DOCK4: variants seen among roughly 807,000 people sequenced by gnomAD.
The protein encoded by DOCK4 is dedicator of cytokinesis 4.
A neutral mutation model predicts 268.1 loss-of-function variants in DOCK4; 97 were observed. That is an observed-to-expected ratio of 0.36 (90% CI 0.31 to 0.43). The LOEUF is 0.43. Ranked by LOEUF, DOCK4 falls within the 20% of genes least tolerant of loss-of-function variation. The pLI is 1.00. For missense variants in DOCK4, 2,145 were observed against 2,455.7 expected (o/e 0.87, Z 2.67); for synonymous variants, 954 against 887.2 (o/e 1.08, Z -1.34).
chr7:111,990,435 C>T (rs1799431551), intron 5 of DOCK4, among the ~76,000 whole-genome samples: 1 of 152,210 alleles, frequency 6.6e-6, no homozygotes, highest in Admixed American at 6.5e-5. Context: ...CTAAAGTCTT[C>T]TACAGCTGTA....
At chr7:112,015,827 T>C (rs1023725319) in intron 1 of DOCK4, among the ~76,000 whole-genome samples, 3 of 152,178 alleles carry the variant, frequency 2.0e-5, no homozygotes, top group Admixed American at 6.5e-5. Context: ...GGTACTGGCA[T>C]TGTGCTAAGA....
chr7:111,767,318 C>A (rs2133653300), intron 37 of DOCK4, among the ~76,000 whole-genome samples, 200 bp from the exon 38 acceptor site: 1 of 151,634 alleles, frequency 6.6e-6, no homozygotes, highest in Non-Finnish European at 1.5e-5. Flanking sequence ...CCTCCGCCTC[C>A]CTAGTTCAAG....
chr7:111,818,564 A>G (rs959566929), intron 27 of DOCK4, among the ~76,000 whole-genome samples: 1 of 151,994 alleles, frequency 6.6e-6, no homozygotes, highest in Non-Finnish European at 1.5e-5. Context: ...TCTTCTCACT[A>G]CCTTCATTGC....
chr7:112,036,361 A>T (rs765795316), intron 1 of DOCK4, among the ~76,000 whole-genome samples: 4 of 152,190 alleles, frequency 2.6e-5, no homozygotes, highest in Non-Finnish European at 5.9e-5. Context: ...CTAAGACTAA[A>T]CAACTGGGGC....
chr7:111,768,682 T>A, intron 37 of DOCK4, among the ~76,000 whole-genome samples: 1 of 152,178 alleles, frequency 6.6e-6, no homozygotes, highest in East Asian at 1.9e-4. Context: ...TGAGGTTTTT[T>A]CAACACCTCA....
intron 1 of DOCK4, among the ~76,000 whole-genome samples, chr7:112,076,381 A>G (rs187730829): frequency 9.2e-5 from 14 of 152,250 alleles, no homozygotes; most frequent in Admixed American, 7.2e-4. Flanking sequence ...GAATTTGGCA[A>G]AAAATGTTAA....
intron 1 of DOCK4, among the ~76,000 whole-genome samples, chr7:112,193,328 G>A (rs763972180): frequency 2.0e-5 from 3 of 152,140 alleles, no homozygotes; most frequent in Non-Finnish European, 2.9e-5. Flanking sequence ...GGGTGCAGTC[G>A]TTTATACTTG....
chr7:111,855,292 GCT>G (rs1195033631), intron 23 of DOCK4, among the ~76,000 whole-genome samples: 1 of 152,168 alleles, frequency 6.6e-6, no homozygotes, highest in Non-Finnish European at 1.5e-5. Flanking sequence ...GACAGAGGCA[GCT>G]CAGAGCAAGT....
intron 16 of DOCK4, among the ~76,000 whole-genome samples, chr7:111,879,372 T>C (rs1357886100): frequency 6.6e-6 from 1 of 152,106 alleles, no homozygotes; most frequent in Non-Finnish European, 1.5e-5. Context: ...CCTGGCTTCA[T>C]GTGTGACCCA....
In DOCK4 at chr7:112,091,860, A is replaced by G. The variant is rs141506542; in HGVS notation, c.38-87729T>C. Among the ~76,000 whole-genome samples, 590 of 152,256 alleles carry G rather than the reference A, an allele frequency of 3.9e-3. 6 individuals carry two copies. Among genetic ancestry groups the G allele is most frequent in the African/African-American group, 0.013 (554 of 41,550 alleles). Reference sequence around the variant, plus strand: ...TCAAGAACTGAAAAGTGTCAAACCCATACAGCCTATTTCATAAGCCTGGTG... The same window carrying G: ...TCAAGAACTGAAAAGTGTCAAACCCGTACAGCCTATTTCATAAGCCTGGTG... On this transcript the variant is annotated intron_variant, in intron 1 of 52. Coordinates refer to ENST00000428084, the MANE Select transcript of DOCK4 (RefSeq NM_001363540.2).
chr7:112,071,748 T>G (rs1807601597), intron 1 of DOCK4, among the ~76,000 whole-genome samples: 1 of 152,200 alleles, frequency 6.6e-6, no homozygotes, highest in Non-Finnish European at 1.5e-5. Context: ...TGGATGTCCT[T>G]GCCTTAGCAG....
chr7:112,100,395 G>C (rs1002896105), intron 1 of DOCK4, among the ~76,000 whole-genome samples: 2 of 152,230 alleles, frequency 1.3e-5, no homozygotes, highest in Non-Finnish European at 2.9e-5. Context: ...AGATGAAACA[G>C]CTATAGAAAG....
chr7:112,133,590 G>T (rs910440038), intron 1 of DOCK4, among the ~76,000 whole-genome samples: 1 of 152,014 alleles, frequency 6.6e-6, no homozygotes, highest in East Asian at 1.9e-4. Context: ...GCATGGTGGC[G>T]TGCACCTGTA....
intron 1 of DOCK4, among the ~76,000 whole-genome samples, chr7:112,134,535 T>C (rs549336571): frequency 6.0e-5 from 9 of 150,040 alleles, no homozygotes; most frequent in South Asian, 2.1e-4. Context: ...CGGGCTAACA[T>C]GGTGTAACGC....
chr7:111,846,787 A>G (rs1407843676), intron 24 of DOCK4, among the ~76,000 whole-genome samples: 1 of 152,226 alleles, frequency 6.6e-6, no homozygotes, highest in East Asian at 1.9e-4. Flanking sequence ...TCCTTGAAAT[A>G]CAAGTTTGGG....
At chr7:112,004,373 A>G (rs1481471028) in intron 1 of DOCK4, among the ~76,000 whole-genome samples, 1 of 152,214 alleles carries the variant, frequency 6.6e-6, no homozygotes, top group Admixed American at 6.5e-5. Flanking sequence ...AATACACAAT[A>G]TATCAATGCT....
Position 112,084,188 on chromosome 7 carries a change from A to G in DOCK4, c.38-80057T>C, listed in dbSNP as rs190130152. On this transcript the variant is annotated intron_variant, in intron 1 of 52. Transcript: ENST00000428084. ...AGAACATGCCCAGCCAATCTCTATC[A>G]CAGAGAGTGAGAATGAATGAAAATT... 5.2e-4 allele frequency among the ~76,000 whole-genome samples: 78 copies of G among 149,446 alleles called. 1 individual carries two copies. The South Asian group carries it at 0.016, about 31-fold the overall frequency.
intron 2 of DOCK4, among the ~76,000 whole-genome samples, chr7:112,003,050 C>CAA (rs60702171): frequency 6.8e-4 from 51 of 75,036 alleles, no homozygotes; most frequent in East Asian, 4.9e-3. Context: ...GACTCCATCT[C>CAA]AAAAAAAAAA....
intron 32 of DOCK4, among the ~76,000 whole-genome samples, chr7:111,786,167 T>C (rs1157547764): frequency 6.6e-6 from 1 of 151,864 alleles, no homozygotes; most frequent in African/African-American, 2.4e-5. Context: ...TAATGTGGAG[T>C]CTTATTGAAT....
Sources: allele counts gnomAD v4.1 joint callset (sites outside exome capture counted in the v4.1 genomes callset), GRCh38; gene constraint gnomAD v4.1.1; transcripts MANE v1.5; gene names NCBI Gene and HGNC (gene_info 2026-07-23, HGNC 2026-07-21).